The following CALD1 variants were observed in gnomAD, a reference collection of about 807,000 sequenced individuals.
The protein encoded by CALD1 is caldesmon 1.
In CALD1, 33 loss-of-function variants were observed where a neutral mutation model predicts 99.9. The ratio of observed to expected loss-of-function variants is 0.33; its 90% confidence interval spans 0.25 to 0.44. The LOEUF is 0.44. Ranked by LOEUF, CALD1 falls within the 20% of genes least tolerant of loss-of-function variation. CALD1 has a pLI of 1.00. For synonymous variants in CALD1, 310 were observed against 325.0 expected (o/e 0.95, Z 0.50); for missense variants, 861 against 962.1 (o/e 0.89, Z 1.39).
At chr7:134,905,986 G>A (rs542382802) in intron 3 of CALD1, among the ~76,000 whole-genome samples, 5 of 142,488 alleles carry the variant, frequency 3.5e-5, no homozygotes, top group Non-Finnish European at 7.5e-5. Context: ...CTGGAGTGCA[G>A]TGGTGCGATC....
chr7:134,914,066 A>G (rs1804027016), intron 3 of CALD1, among the ~76,000 whole-genome samples: 1 of 152,200 alleles, frequency 6.6e-6, no homozygotes, highest in Non-Finnish European at 1.5e-5. Context: ...AATTCGAAAT[A>G]ATGTCAAAAT....
intron 1 of CALD1, among the ~76,000 whole-genome samples, chr7:134,797,088 G>A (rs888553955): frequency 3.3e-5 from 5 of 151,830 alleles, no homozygotes; most frequent in African/African-American, 7.3e-5. Context: ...GCAGTGGCGC[G>A]ATCACAGCTC....
intron 1 of CALD1, among the ~76,000 whole-genome samples, chr7:134,819,431 C>T (rs1187087029): frequency 3.3e-5 from 5 of 152,216 alleles, no homozygotes; most frequent in Non-Finnish European, 7.3e-5. Flanking sequence ...GACTGCAAGC[C>T]TAATAGAACT....
intron 3 of CALD1, among the ~76,000 whole-genome samples, chr7:134,917,945 C>T (rs1804335330): frequency 6.6e-6 from 1 of 152,122 alleles, no homozygotes; most frequent in South Asian, 2.1e-4. Flanking sequence ...CACCATCAAC[C>T]CTGTCTTTCC....
At chr7:134,862,970 C>A (rs1800626143) in intron 2 of CALD1, among the ~76,000 whole-genome samples, 1 of 152,202 alleles carries the variant, frequency 6.6e-6, no homozygotes, top group Admixed American at 6.5e-5. Context: ...TCTCAGCTTT[C>A]TGGTGGCCTT....
intron 5 of CALD1, among the ~76,000 whole-genome samples, chr7:134,935,010 A>C (rs556838233): frequency 6.6e-6 from 1 of 152,322 alleles, no homozygotes; most frequent in African/African-American, 2.4e-5. Context: ...ATTTGCCAAC[A>C]TGTAGACCTC....
chr7:134,908,769 C>A (rs888173486), intron 3 of CALD1, among the ~76,000 whole-genome samples: 3 of 152,020 alleles, frequency 2.0e-5, no homozygotes, highest in Non-Finnish European at 4.4e-5. Flanking sequence ...CCGTAAAGGG[C>A]CAGGCAGTTT....
At chr7:134,736,257 C>T in the CALD1 span, among the ~76,000 whole-genome samples, 9 of 152,156 alleles carry the variant, frequency 5.9e-5, no homozygotes, top group Admixed American at 2.0e-4. Context: ...TATAACTGAA[C>T]ATTTAGGATG....
chr7:134,778,234 T>C (rs966076925), upstream of CALD1, among the ~76,000 whole-genome samples: 8 of 152,320 alleles, frequency 5.3e-5, no homozygotes, highest in East Asian at 1.2e-3. Flanking sequence ...AACTTGTTAA[T>C]GCTGGAAGGC....
chr7:134,952,188 G>A (rs1189135565), intron 9 of CALD1, among the ~76,000 whole-genome samples: 2 of 151,844 alleles, frequency 1.3e-5, no homozygotes, highest in African/African-American at 2.4e-5. Flanking sequence ...GTAATCCCAG[G>A]TATTTGGGAG....
intron 3 of CALD1, among the ~76,000 whole-genome samples, chr7:134,886,177 C>G (rs1054744014): frequency 2.0e-5 from 3 of 152,168 alleles, no homozygotes; most frequent in African/African-American, 7.2e-5. Context: ...TACATTGCAA[C>G]ATAATTATTT....
At chr7:134,799,178 T>C (rs1433958601) in intron 1 of CALD1, among the ~76,000 whole-genome samples, 1 of 152,284 alleles carries the variant, frequency 6.6e-6, no homozygotes, top group East Asian at 1.9e-4. Flanking sequence ...TATATCACGA[T>C]GAGGAAATGT....
intron 3 of CALD1, among the ~76,000 whole-genome samples, chr7:134,868,531 G>T (rs1008657873): frequency 8.5e-5 from 13 of 152,178 alleles, no homozygotes; most frequent in Admixed American, 2.0e-4. Context: ...CATTCACAGA[G>T]AGAAAAATGT....
At chr7:134,840,996 ACTCTT>A (rs1314491818) in intron 1 of CALD1, among the ~76,000 whole-genome samples, 1 of 151,970 alleles carries the variant, frequency 6.6e-6, no homozygotes, top group Non-Finnish European at 1.5e-5. Flanking sequence ...GAAAAGCAAC[ACTCTT>A]CTCTGAGCAC....
intron 1 of CALD1, among the ~76,000 whole-genome samples, chr7:134,838,315 T>C (rs1405242027): frequency 1.3e-5 from 2 of 152,188 alleles, no homozygotes; most frequent in African/African-American, 4.8e-5. Flanking sequence ...TAGATGAATT[T>C]GTTCAAGATA....
chr7:134,923,050 C>T (rs573229333), intron 3 of CALD1, among the ~76,000 whole-genome samples: 133 of 152,288 alleles, frequency 8.7e-4, no homozygotes, highest in African/African-American at 2.8e-3. Flanking sequence ...TTATTATGGA[C>T]TTTTAAAATT....
chr7:134,861,618 C>T (rs1413734803), intron 2 of CALD1, among the ~76,000 whole-genome samples: 1 of 152,198 alleles, frequency 6.6e-6, no homozygotes, highest in Non-Finnish European at 1.5e-5. Context: ...AAGGCAAAGA[C>T]CTTTTCTGTC....
intron 13 of CALD1, 176 bp from the exon 14 acceptor site, chr7:134,965,130 A>C: frequency 1.9e-6 from 1 of 539,550 alleles, no homozygotes; most frequent in Non-Finnish European, 3.4e-6. Context: ...AAAATAAAAA[A>C]ATAAAAAAAT....
chr7:134,859,184 C>T (rs991003027), intron 2 of CALD1, among the ~76,000 whole-genome samples: 3 of 152,150 alleles, frequency 2.0e-5, no homozygotes, highest in African/African-American at 7.2e-5. Context: ...TTCCATGCAC[C>T]CCCATTTTTG....
Sources: gnomAD v4.1 joint callset for allele counts (sites outside exome capture counted in the v4.1 genomes callset) on GRCh38, gnomAD v4.1.1 for gene constraint, MANE v1.5 for transcripts, NCBI Gene and HGNC (gene_info 2026-07-23, HGNC 2026-07-21) for gene names.